Variants in PDK1 observed in about 807,000 individuals in gnomAD.
PDK1 encodes pyruvate dehydrogenase kinase 1.
Under a neutral mutation model 54.2 loss-of-function variants are expected in PDK1, and 39 were observed. The observed-to-expected ratio is 0.72, with a 90% CI of 0.56 to 0.94. The LOEUF is 0.94. Ranked by LOEUF, PDK1 falls within the 40% of genes least tolerant of loss-of-function variation. The probability of loss-of-function intolerance (pLI) is 0.00; values close to 1 mark genes in which losing one functional copy is unlikely to be tolerated. For synonymous variants in PDK1, 221 were observed against 207.1 expected (o/e 1.07, Z -0.58); for missense variants, 552 against 566.0 (o/e 0.98, Z 0.25).
chr2:172,660,231 TTC>T, the PDK1 span, among the ~76,000 whole-genome samples: 7,185 of 78,974 alleles, frequency 0.091, 1,385 homozygotes, highest in Middle Eastern at 0.12. Flanking sequence ...TAAAATTGCT[TTC>T]TCTCTCTCTC....
At chr2:172,685,919 T>C in the PDK1 span, among the ~76,000 whole-genome samples, 1 of 152,364 alleles carries the variant, frequency 6.6e-6, no homozygotes, top group African/African-American at 2.4e-5. Context: ...AATTCCTGTT[T>C]TGCATTCACA....
the PDK1 span, among the ~76,000 whole-genome samples, chr2:172,716,317 T>G: frequency 6.6e-6 from 1 of 152,190 alleles, no homozygotes; most frequent in Non-Finnish European, 1.5e-5. Flanking sequence ...CTGAAATATC[T>G]GATTAAGTTG....
In PDK1 at chr2:172,608,514, A is replaced by G. The variant is rs1691366784; in HGVS notation, c.*12545A>G. Reference sequence around the variant, plus strand: ...ATCATGTTAAATTGTACAACTGTTTATCATTCACTCTGCTGTAAGTCTATG... The same window carrying G: ...ATCATGTTAAATTGTACAACTGTTTGTCATTCACTCTGCTGTAAGTCTATG... On this transcript the variant is annotated 3_prime_UTR_variant, in exon 11 of 11. Transcript: ENST00000282077. The G allele has an allele frequency of 6.6e-6, 1 of 152,250 alleles. No homozygotes were observed. The highest frequency in any genetic ancestry group is 1.5e-5 in the Non-Finnish European group (1 of 68,044). The allele number at this position is 152,250 out of a possible 1,614,324, so 9.4% of individuals were successfully genotyped here.
chr2:172,713,462 C>T, the PDK1 span, among the ~76,000 whole-genome samples: 9 of 152,314 alleles, frequency 5.9e-5, no homozygotes, highest in South Asian at 1.9e-3. Flanking sequence ...AGGCCCGTGC[C>T]GAGCTGCCCA....
chr2:172,697,403 C>G, the PDK1 span, among the ~76,000 whole-genome samples: 1 of 152,174 alleles, frequency 6.6e-6, no homozygotes, highest in Non-Finnish European at 1.5e-5. Context: ...AAATATCCAG[C>G]TTTATCAAGC....
At chr2:172,713,266 A>G in the PDK1 span, among the ~76,000 whole-genome samples, 1 of 152,210 alleles carries the variant, frequency 6.6e-6, no homozygotes, top group East Asian at 1.9e-4. Context: ...TGATTGGTCC[A>G]TGAGCAGCCA....
At position 172,570,648 on chromosome 2, in the gene PDK1, T is replaced by C. The variant is rs913782565; in HGVS notation, c.847-78T>C. ...TTCCATCAAATTTTAAAACTTCAAA[T>C]AGTGCATATGTACTTGAAAATTACA... On this transcript the variant is annotated intron_variant, in intron 7 of 10. Transcript: ENST00000282077. 5 of 692,180 alleles carry C rather than the reference T, an allele frequency of 7.2e-6. No individual in the cohort carries two copies. The Admixed American group carries it at 1.4e-4, about 20-fold the overall frequency. 42.9% of individuals were successfully genotyped at this position (692,180 alleles called of 1,614,324 possible).
chr2:172,660,256 T>C, the PDK1 span, among the ~76,000 whole-genome samples: 1 of 123,566 alleles, frequency 8.1e-6, no homozygotes, highest in South Asian at 2.9e-4. Flanking sequence ...TCTTTTTTTT[T>C]TTTTTTTTTT....
At chr2:172,559,999 A>C (rs561741259) in intron 2 of PDK1, among the ~76,000 whole-genome samples, 15 of 152,260 alleles carry the variant, frequency 9.9e-5, no homozygotes, top group African/African-American at 3.1e-4. Context: ...AGTGCATGCC[A>C]CACCCAGCTA....
downstream of PDK1, among the ~76,000 whole-genome samples, chr2:172,610,355 C>T (rs2149330019): frequency 1.3e-5 from 2 of 152,198 alleles, 1 homozygote; most frequent in South Asian, 4.2e-4. Flanking sequence ...CCCTACGATG[C>T]CTCTCAGAGC....
chr2:172,717,346 G>A, the PDK1 span, among the ~76,000 whole-genome samples: 1 of 152,080 alleles, frequency 6.6e-6, no homozygotes, highest in Non-Finnish European at 1.5e-5. Flanking sequence ...CAGAACAACC[G>A]GGCTAAACTG....
At chr2:172,644,522 T>C in the PDK1 span, among the ~76,000 whole-genome samples, 4 of 152,206 alleles carry the variant, frequency 2.6e-5, no homozygotes, top group Admixed American at 6.5e-5. Flanking sequence ...ATAGAGTGTC[T>C]AGCACATTTC....
the PDK1 span, among the ~76,000 whole-genome samples, chr2:172,679,881 C>A: frequency 1.3e-5 from 2 of 152,076 alleles, no homozygotes; most frequent in Non-Finnish European, 2.9e-5. Context: ...TTTTTTTTAG[C>A]CTCTTCATTT....
chr2:172,578,252 T>A (rs1689683951), intron 8 of PDK1, among the ~76,000 whole-genome samples: 1 of 152,254 alleles, frequency 6.6e-6, no homozygotes. Flanking sequence ...TCAGACTGGA[T>A]AATTTCAATT....
intron 9 of PDK1, among the ~76,000 whole-genome samples, 193 bp downstream of exon 9, chr2:172,586,581 G>A (rs933879365): frequency 6.6e-5 from 10 of 151,912 alleles, no homozygotes; most frequent in African/African-American, 1.5e-4. Context: ...AAATGGGCAC[G>A]AGACAGAGAT....
intron 3 of PDK1, among the ~76,000 whole-genome samples, chr2:172,563,484 T>C (rs1052424180): frequency 6.6e-5 from 10 of 152,356 alleles, no homozygotes; most frequent in African/African-American, 2.4e-4. Flanking sequence ...AGCACTCATT[T>C]GGAAGTGTAA....
chr2:172,717,839 A>G, the PDK1 span, among the ~76,000 whole-genome samples: 166 of 152,314 alleles, frequency 1.1e-3, no homozygotes, highest in Non-Finnish European at 9.4e-4. Context: ...TGTCAAAATG[A>G]TTAATGGAGC....
the PDK1 span, among the ~76,000 whole-genome samples, chr2:172,678,124 T>C: frequency 3.3e-5 from 5 of 151,874 alleles, no homozygotes; most frequent in African/African-American, 1.2e-4. Flanking sequence ...GAGCCAAGAT[T>C]GCACCACTGC....
chr2:172,637,346 G>A, the PDK1 span, among the ~76,000 whole-genome samples: 1 of 152,218 alleles, frequency 6.6e-6, no homozygotes, highest in African/African-American at 2.4e-5. Flanking sequence ...ATCCACAGAG[G>A]TCACTTATTC....
Sources: gnomAD v4.1 joint callset for allele counts (sites outside exome capture counted in the v4.1 genomes callset) on GRCh38, gnomAD v4.1.1 for gene constraint, MANE v1.5 for transcripts, NCBI Gene and HGNC (gene_info 2026-07-23, HGNC 2026-07-21) for gene names.